The following SATB2 variants were observed in gnomAD, a reference collection of about 807,000 sequenced individuals.
SATB2 encodes DNA-binding protein SATB2.
In SATB2, 1 loss-of-function variant was observed where a neutral mutation model predicts 73.4. The observed-to-expected ratio is 0.01, with a 90% CI of 0.00 to 0.06. The LOEUF (loss-of-function observed/expected upper bound fraction) is 0.06, where lower values mean the gene tolerates loss of function less well. SATB2 is among the 10% of genes least tolerant of loss of function. The pLI, the probability that SATB2 is intolerant of heterozygous loss-of-function variation, is 1.00. For missense variants in SATB2, 459 were observed against 945.8 expected (o/e 0.49, Z 6.75); for synonymous variants, 397 against 367.0 (o/e 1.08, Z -0.93).
intron 3 of SATB2, chr2:199,397,479 A>C (rs1430872610): frequency 6.5e-6 from 1 of 153,066 alleles, no homozygotes; most frequent in Non-Finnish European, 1.5e-5. Context: ...GGGAAAAAAG[A>C]ATAAACACAC....
intron 10 of SATB2, among the ~76,000 whole-genome samples, chr2:199,291,631 G>A (rs1467946797): frequency 2.0e-5 from 3 of 152,132 alleles, no homozygotes; most frequent in African/African-American, 7.2e-5. Context: ...CACTTGAGTA[G>A]GCCAGGTGCA....
chr2:199,387,329 C>T (rs1243740876), intron 3 of SATB2, among the ~76,000 whole-genome samples: 1 of 152,142 alleles, frequency 6.6e-6, no homozygotes, highest in Admixed American at 6.5e-5. Context: ...GGCCAGAGCA[C>T]GTCCACAGTC....
chr2:199,357,653 TTCCAG>T (rs1273556242), intron 6 of SATB2, among the ~76,000 whole-genome samples: 1 of 152,190 alleles, frequency 6.6e-6, no homozygotes, highest in Non-Finnish European at 1.5e-5. Context: ...TAGCAATTCA[TTCCAG>T]TCATCTGTAA....
chr2:199,440,122 A>G (rs1198703138), intron 2 of SATB2, among the ~76,000 whole-genome samples: 2 of 152,116 alleles, frequency 1.3e-5, no homozygotes, highest in African/African-American at 4.8e-5. Flanking sequence ...TAATAATAAT[A>G]ATGAAGAAAA....
intron 9 of SATB2, among the ~76,000 whole-genome samples, chr2:199,314,974 T>A (rs1226595368): frequency 6.6e-6 from 1 of 152,038 alleles, no homozygotes; most frequent in African/African-American, 2.4e-5. Flanking sequence ...AGACTAGATA[T>A]CTTTTTTCAT....
chr2:199,452,247 T>C (rs565252447), intron 2 of SATB2, among the ~76,000 whole-genome samples: 1 of 152,154 alleles, frequency 6.6e-6, no homozygotes, highest in East Asian at 1.9e-4. Context: ...CTGAAAGTTC[T>C]TCTTTAAGCC....
intron 2 of SATB2, among the ~76,000 whole-genome samples, chr2:199,450,535 A>G (rs1329078123): frequency 6.6e-6 from 1 of 152,110 alleles, no homozygotes. Flanking sequence ...CAATGTACAT[A>G]TTTTACACAC....
chr2:199,411,635 T>C (rs1183998099), intron 3 of SATB2, among the ~76,000 whole-genome samples: 1 of 152,106 alleles, frequency 6.6e-6, no homozygotes, highest in Non-Finnish European at 1.5e-5. Context: ...AAGGTATAAA[T>C]CCCTACTGTG....
At chr2:199,353,677 T>C (rs946209885) in intron 6 of SATB2, among the ~76,000 whole-genome samples, 1 of 152,128 alleles carries the variant, frequency 6.6e-6, no homozygotes, top group African/African-American at 2.4e-5. Context: ...CTTCCTGCTT[T>C]CCTGCTTTTC....
At chr2:199,389,502 A>G (rs918059734) in intron 3 of SATB2, among the ~76,000 whole-genome samples, 3 of 152,208 alleles carry the variant, frequency 2.0e-5, no homozygotes, top group Non-Finnish European at 2.9e-5. Context: ...TGACAATACA[A>G]AAGGAAATGC....
chr2:199,304,089 A>G (rs1158938562), intron 10 of SATB2, among the ~76,000 whole-genome samples: 1 of 152,122 alleles, frequency 6.6e-6, no homozygotes, highest in Non-Finnish European at 1.5e-5. Context: ...GGTCAGAGGA[A>G]AGACTGGATG....
intron 5 of SATB2, among the ~76,000 whole-genome samples, chr2:199,370,245 T>C (rs1574555954): frequency 6.6e-6 from 1 of 151,886 alleles, no homozygotes; most frequent in African/African-American, 2.4e-5. Flanking sequence ...TATGTCTGTT[T>C]CATTTTTTTT....
chr2:199,388,955 T>C (rs1194377056), intron 3 of SATB2, among the ~76,000 whole-genome samples: 3 of 152,210 alleles, frequency 2.0e-5, no homozygotes, highest in African/African-American at 7.2e-5. Flanking sequence ...TGTTCAGCTA[T>C]GCTTTGTTAA....
intron 6 of SATB2, among the ~76,000 whole-genome samples, chr2:199,362,560 A>G (rs1689170924): frequency 6.6e-6 from 1 of 152,104 alleles, no homozygotes; most frequent in Admixed American, 6.6e-5. Flanking sequence ...TTCTAGCATT[A>G]ATTATGGCCT....
At chr2:199,311,660 T>C (rs914316058) in intron 9 of SATB2, among the ~76,000 whole-genome samples, 1 of 152,158 alleles carries the variant, frequency 6.6e-6, no homozygotes, top group Non-Finnish European at 1.5e-5. Flanking sequence ...TGGTAATGTA[T>C]TTTTGTGTTA....
chr2:199,426,388 A>G (rs1328248491), intron 3 of SATB2, among the ~76,000 whole-genome samples: 3 of 152,040 alleles, frequency 2.0e-5, no homozygotes, highest in Non-Finnish European at 4.4e-5. Context: ...TCCCGGGTTC[A>G]AGTGATTCTC....
chr2:199,378,308 C>T (rs1689662919), intron 5 of SATB2, among the ~76,000 whole-genome samples: 1 of 152,210 alleles, frequency 6.6e-6, no homozygotes, highest in South Asian at 2.1e-4. Context: ...TGTACACTTC[C>T]ACACAAAGCC....
chr2:199,361,447 C>A (rs1689133679), intron 6 of SATB2, among the ~76,000 whole-genome samples: 1 of 151,924 alleles, frequency 6.6e-6, no homozygotes, highest in African/African-American at 2.4e-5. Context: ...CATTCCATTT[C>A]CGTCAATTAC....
chr2:199,469,394 G>C (rs1162397176), upstream of SATB2, among the ~76,000 whole-genome samples: 1 of 152,120 alleles, frequency 6.6e-6, no homozygotes, highest in Non-Finnish European at 1.5e-5. Context: ...ATGCCCCTTC[G>C]ACTCTCCTCC....
Sources: gnomAD v4.1 joint callset for allele counts (sites outside exome capture counted in the v4.1 genomes callset) on GRCh38, gnomAD v4.1.1 for gene constraint, MANE v1.5 for transcripts, NCBI Gene and HGNC (gene_info 2026-07-23, HGNC 2026-07-21) for gene names.